HTR3A: variants seen among roughly 807,000 people sequenced by gnomAD.
HTR3A encodes 5-hydroxytryptamine receptor 3A.
HTR3A carries 45 observed loss-of-function variants against 54.8 expected under a neutral mutation model. That is an observed-to-expected ratio of 0.82 (90% CI 0.65 to 1.05). The LOEUF is 1.05. Among genes scored for constraint, HTR3A ranks in the 50% least tolerant of loss-of-function variants. The pLI is 0.00. For synonymous variants in HTR3A, 297 were observed against 256.0 expected (o/e 1.16, Z -1.53); for missense variants, 657 against 614.0 (o/e 1.07, Z -0.74).
rs1019378578 is a variant in HTR3A, at chr11:113,983,165, G to T, written c.420G>T (p.Arg140=). 1 of 1,614,206 alleles carries T rather than the reference G, an allele frequency of 6.2e-7. No homozygotes were observed. Residue 140 remains arginine, a synonymous_variant, in exon 5 of 9, where the codon CGG becomes CGT. Transcript: ENST00000504030. ...KSPNIPYVYI[R]HQGEVQNYKP... is the part of the protein sequence containing the mutation. ...CAAATATCCCGTACGTGTATATTCG[G>T]CATCAAGGCGAAGTTCAGAACTACA...
In HTR3A at chr11:113,976,996, T is replaced by G. The variant is rs532872265; in HGVS notation, c.68-775T>G. 5.9e-5 allele frequency among the ~76,000 whole-genome samples: 9 copies of G among 152,198 alleles called. No homozygotes were observed. The South Asian group carries it at 1.9e-3, about 32-fold the overall frequency. On this transcript the variant is annotated intron_variant, in intron 1 of 8. Coordinates refer to ENST00000504030, the MANE Select transcript of HTR3A (RefSeq NM_000869.6). ...GGGTCCAGGAGCTGGGCTGTCTCATTACTGGTTTGTCCCCATAGGCCACCT... is the reference window on the plus strand; with the variant it reads ...GGGTCCAGGAGCTGGGCTGTCTCATGACTGGTTTGTCCCCATAGGCCACCT...
chr11:113,986,075 T>C lies in HTR3A; in HGVS notation c.605T>C (p.Val202Ala). Residue 202 changes from valine (V) to alanine (A), a missense_variant, in exon 6 of 9, where the codon GTC (valine) becomes GCC (alanine). Physicochemically the swap from Val to Ala is moderately conservative, Grantham distance 64. Transcript: ENST00000504030. ...LPEKVKSDRS[V>A]FMNQGEWELL... ...GAAAAGGTGAAATCCGACAGGAGTG[T>C]CTTCATGAACCAGGGAGAGTGGGAG... is the stretch of plus-strand genomic sequence containing the variant. The C allele has an allele frequency of 6.2e-7, 1 of 1,614,170 alleles. No individual in the cohort carries two copies. Among genetic ancestry groups the C allele is most frequent in the Non-Finnish European group, 8.5e-7 (1 of 1,180,024 alleles).
chr11:113,980,884 T>G (rs780480384), intron 3 of HTR3A, among the ~76,000 whole-genome samples: 1 of 152,244 alleles, frequency 6.6e-6, no homozygotes, highest in Non-Finnish European at 1.5e-5. Flanking sequence ...ATAAATATGT[T>G]GAGACCAAGA....
chr11:113,984,503 T>A (rs1169993783), intron 5 of HTR3A, among the ~76,000 whole-genome samples: 1 of 152,194 alleles, frequency 6.6e-6, no homozygotes, highest in Non-Finnish European at 1.5e-5. Flanking sequence ...CTCGCCCACC[T>A]TTAGATCCCC....
Position 113,975,243 on chromosome 11 carries a change from G to C in HTR3A, c.-83G>C. On this transcript the variant is annotated 5_prime_UTR_variant, in exon 1 of 9. Coordinates refer to ENST00000504030, the MANE Select transcript of HTR3A (RefSeq NM_000869.6). ...GAGAGGCAGGCTGGCTGGGACATGA[G>C]GTTGGCAGAGGGCAGGCAAGCTGGC... 1 of 1,358,904 alleles carries C rather than the reference G, an allele frequency of 7.4e-7. No individual in the cohort carries two copies. Among genetic ancestry groups the C allele is most frequent in the Non-Finnish European group, 1.0e-6 (1 of 962,600 alleles). The allele number at this position is 1,358,904 out of a possible 1,614,324, so 84.2% of individuals were successfully genotyped here.
At chr11:113,979,469 G>A (rs940132808) in intron 3 of HTR3A, among the ~76,000 whole-genome samples, 192 bp downstream of exon 3, 5 of 152,054 alleles carry the variant, frequency 3.3e-5, no homozygotes, top group Non-Finnish European at 7.4e-5. Flanking sequence ...AGATAGTGGA[G>A]GAGAAACCCT....
chr11:113,989,044 A>T lies in HTR3A; in HGVS notation c.1139-421A>T, dbSNP rs1305548028. ...TGGTGGATTTGCAGGTATGTAAGTT[A>T]CTCTTTATACTTTTTATGTCTAAAG... On this transcript the variant is annotated intron_variant, in intron 8 of 8. Transcript: ENST00000504030. This position sits in a 1 kb window ranked among gnomAD's most constrained non-coding sequence, Gnocchi z 4.4. 6.6e-6 allele frequency among the ~76,000 whole-genome samples: 1 copy of T among 151,758 alleles called. No individual in the cohort carries two copies. Among genetic ancestry groups the T allele is most frequent in the African/African-American group, 2.4e-5 (1 of 41,276 alleles).
rs745480905 is a variant in HTR3A at position 113,979,263 on chromosome 11, A to G, written c.250A>G (p.Ile84Val). ...DEKNQVLTTY[I>V]WYRQYWTDEF... ...GAAGAATCAGGTGCTGACCACCTAC[A>G]TCTGGTACCGGCAGGTGAGCAGACC... The change falls in exon 3 of 9, where the codon ATC becomes GTC. Residue 84 changes from isoleucine (I) to valine (V), a missense_variant. Physicochemically the swap from Ile to Val is conservative, Grantham distance 29. Transcript: ENST00000504030. 4 of 1,612,578 alleles carry G rather than the reference A, an allele frequency of 2.5e-6. No individual in the cohort carries two copies. The highest frequency in any genetic ancestry group is 2.2e-5 in the East Asian group (1 of 44,862).
In HTR3A at chr11:113,975,117, TC is replaced by T. The variant is rs1383864048; in HGVS notation, c.-207del. The T allele has an allele frequency of 2.9e-6, 2 of 697,386 alleles. No individual in the cohort carries two copies. Among genetic ancestry groups the T allele is most frequent in the Non-Finnish European group, 5.2e-6 (2 of 383,296 alleles). 43.2% of individuals were successfully genotyped at this position (697,386 alleles called of 1,614,324 possible). ...CCCTTTCCTCCCGCCTGAAACATGA[TC>T]CAGCTGAAGGACTGATTGCAGGAAA... On this transcript the variant is annotated 5_prime_UTR_variant, in exon 1 of 9. It introduces an in-frame stop codon into an upstream open reading frame of the 5' UTR. Transcript: ENST00000504030.
chr11:113,978,104 G>C (rs1022153966), intron 2 of HTR3A, among the ~76,000 whole-genome samples, 182 bp downstream of exon 2: 1 of 152,130 alleles, frequency 6.6e-6, no homozygotes, highest in East Asian at 1.9e-4. Flanking sequence ...CCAGAAACCT[G>C]GGGTCACCTT....
chr11:113,981,328 C>A lies in HTR3A; in HGVS notation c.374+16C>A. 1 of 1,519,790 alleles carries A rather than the reference C, an allele frequency of 6.6e-7. No homozygotes were observed. The highest frequency in any genetic ancestry group is 2.2e-5 in the East Asian group (1 of 44,450). 94.1% of individuals were successfully genotyped at this position (1,519,790 alleles called of 1,614,324 possible). Reference sequence around the variant, plus strand: ...TCAATGAGTTGTGAGTACCGTTATCCATTGTGAGGTGGCTGGGTGGCTTAG... The same window carrying A: ...TCAATGAGTTGTGAGTACCGTTATCAATTGTGAGGTGGCTGGGTGGCTTAG... On this transcript the variant is annotated intron_variant, in intron 4 of 8. Transcript: ENST00000504030.
chr11:113,983,392 A>G, intron 5 of HTR3A, 103 bp downstream of exon 5: 3 of 1,197,992 alleles, frequency 2.5e-6, no homozygotes, highest in Non-Finnish European at 2.5e-6. Flanking sequence ...TATCCAGCCT[A>G]CTAATGCCCT....
At chr11:113,975,617 TGCAAAGAAGGGA>T (rs1422644309) in intron 1 of HTR3A, among the ~76,000 whole-genome samples, 1 of 152,004 alleles carries the variant, frequency 6.6e-6, no homozygotes, top group African/African-American at 2.4e-5. Context: ...GAGCGGAGCT[TGCAAAGAAGGGA>T]GCAGAGAAGT....
At position 113,983,114 on chromosome 11, in the gene HTR3A, C is replaced by G. The variant is rs202142720; in HGVS notation, c.375-6C>G. 1.2e-6 allele frequency: 2 copies of G among 1,614,192 alleles called. No homozygotes were observed. Among genetic ancestry groups the G allele is most frequent in the South Asian group, 1.1e-5 (1 of 91,086 alleles). ...GCTCCCAAACTAACCCCTTTTCCCC[C>G]GCCAGCGTGGATGTGGGGAAGTCTC... On this transcript the variant is annotated splice_polypyrimidine_tract_variant and splice_region_variant and intron_variant, in intron 4 of 8. Coordinates refer to ENST00000504030, the MANE Select transcript of HTR3A (RefSeq NM_000869.6).
At chr11:113,980,179 C>T (rs779637437) in intron 3 of HTR3A, among the ~76,000 whole-genome samples, 4 of 152,210 alleles carry the variant, frequency 2.6e-5, no homozygotes, top group African/African-American at 4.8e-5. Context: ...CCAGGACATC[C>T]GTCTGAGCTC....
rs1209932140 is a variant in HTR3A, at chr11:113,986,067, C to G, written c.597C>G (p.Asp199Glu). ...GCTTGCCAGAAAAGGTGAAATCCGA[C>G]AGGAGTGTCTTCATGAACCAGGGAG... ...LWRLPEKVKS[D>E]RSVFMNQGEW... Residue 199 changes from aspartate (D) to glutamate (E), a missense_variant, in exon 6 of 9, where the codon GAC (aspartate) becomes GAG (glutamate). Coordinates refer to ENST00000504030, the MANE Select transcript of HTR3A (RefSeq NM_000869.6). 6.2e-7 allele frequency: 1 copy of G among 1,614,054 alleles called. No homozygotes were observed. Among genetic ancestry groups the G allele is most frequent in the Non-Finnish European group, 8.5e-7 (1 of 1,180,022 alleles).
intron 3 of HTR3A, among the ~76,000 whole-genome samples, chr11:113,980,864 T>C (rs1950413851): frequency 6.6e-6 from 1 of 152,264 alleles, no homozygotes; most frequent in East Asian, 1.9e-4. Context: ...GGAGATGTTA[T>C]GATCTCCATA....
At chr11:113,977,991 T>C in intron 2 of HTR3A, 69 bp downstream of exon 2, 2 of 1,566,530 alleles carry the variant, frequency 1.3e-6, no homozygotes, top group Middle Eastern at 1.7e-4. Context: ...GTGAGACAAG[T>C]CACCCCCTAT....
rs1950501132 is a variant in HTR3A, at chr11:113,986,949, T to C, written c.1041T>C (p.Val347=). ...QPVPAWLRHL[V]LERIAWLLCL... is the part of the protein sequence containing the mutation. ...TGCCTGCTTGGCTGCGTCACCTGGT[T>C]CTGGAGAGAATCGCCTGGCTACTTT... The change falls in exon 8 of 9, where the codon GTT becomes GTC. Residue 347 remains valine, a synonymous_variant. Transcript: ENST00000504030. 2.0e-5 allele frequency: 32 copies of C among 1,614,160 alleles called. No individual in the cohort carries two copies. The highest frequency in any genetic ancestry group is 2.7e-5 in the Non-Finnish European group (32 of 1,180,032).
Sources: allele counts gnomAD v4.1 joint callset (sites outside exome capture counted in the v4.1 genomes callset), GRCh38; gene constraint gnomAD v4.1.1; non-coding constraint Gnocchi (gnomAD v3.1); transcripts MANE v1.5; gene names NCBI Gene and HGNC (gene_info 2026-07-23, HGNC 2026-07-21).